Variants in MPV17L observed in about 807,000 individuals in gnomAD.
The protein encoded by MPV17L is MPV17 mitochondrial inner membrane protein like, also known as mpv17-like protein.
Under a neutral mutation model 25.8 loss-of-function variants are expected in MPV17L, and 24 were observed. The observed-to-expected ratio is 0.93, with a 90% CI of 0.67 to 1.31. MPV17L has a LOEUF of 1.31. MPV17L is among the 50% of genes most tolerant of loss of function. MPV17L has a pLI of 0.00. For synonymous variants in MPV17L, 102 were observed against 115.3 expected (o/e 0.88, Z 0.74); for missense variants, 250 against 265.6 (o/e 0.94, Z 0.41).
chr16:15,409,989 G>T lies in MPV17L; in HGVS notation c.*1877G>T, dbSNP rs1162729827. 1 of 152,098 alleles carries T rather than the reference G, an allele frequency of 6.6e-6. No individual in the cohort carries two copies. Among genetic ancestry groups the T allele is most frequent in the Non-Finnish European group, 1.5e-5 (1 of 68,028 alleles). The allele number at this position is 152,098 out of a possible 1,614,324, so 9.4% of individuals were successfully genotyped here. ...CCCAGATACATGAAATAAAATACTTGGTTTCTTTTCCAATTTCACACTGAT... is the reference window on the plus strand; with the variant it reads ...CCCAGATACATGAAATAAAATACTTTGTTTCTTTTCCAATTTCACACTGAT... On this transcript the variant is annotated 3_prime_UTR_variant, in exon 4 of 4. Coordinates refer to ENST00000396385, the MANE Select transcript of MPV17L (RefSeq NM_001128423.2).
At chr16:15,404,584 G>A (rs1197248492) in intron 2 of MPV17L, among the ~76,000 whole-genome samples, 2 of 152,146 alleles carry the variant, frequency 1.3e-5, no homozygotes, top group African/African-American at 4.8e-5. Flanking sequence ...ACTTTGGGAG[G>A]CCAAGGCGAG....
chr16:15,411,513 G>T lies in MPV17L; in HGVS notation c.*3401G>T, dbSNP rs10221053. ...CTACAAAAATTAGCCAAGCATGGTGGTGTGAGCCTGTAGTCCCAGCTACTT... is the reference window on the plus strand; with the variant it reads ...CTACAAAAATTAGCCAAGCATGGTGTTGTGAGCCTGTAGTCCCAGCTACTT... On this transcript the variant is annotated 3_prime_UTR_variant, in exon 4 of 4. Transcript: ENST00000396385. 7,351 of 152,170 alleles carry T rather than the reference G, an allele frequency of 0.048. 323 individuals carry two copies. The highest frequency in any genetic ancestry group is 0.12 in the African/African-American group (4,800 of 41,482). The allele number at this position is 152,170 out of a possible 1,614,324, so 9.4% of individuals were successfully genotyped here.
At position 15,396,014 on chromosome 16, in the gene MPV17L, G is replaced by A; in HGVS notation, c.117G>A (p.Gln39=). Residue 39 remains glutamine, a synonymous_variant, in exon 1 of 4, where the codon CAG becomes CAA. Transcript: ENST00000396385. ...SAGDALQQRL[Q]GREANWRQTR... is the part of the protein sequence containing the mutation. ...GGGACGCGCTGCAACAGCGGCTGCA[G>A]GGCCGCGAGGCCAACTGGCGCCAGA... is the stretch of plus-strand genomic sequence containing the variant. The A allele has an allele frequency of 6.6e-7, 1 of 1,526,542 alleles. No homozygotes were observed. The highest frequency in any genetic ancestry group is 8.8e-7 in the Non-Finnish European group (1 of 1,142,566). The allele number at this position is 1,526,542 out of a possible 1,614,324, so 94.6% of individuals were successfully genotyped here.
chr16:15,407,465 AG>A (rs1179380179), intron 2 of MPV17L, among the ~76,000 whole-genome samples: 1 of 151,856 alleles, frequency 6.6e-6, no homozygotes, highest in Non-Finnish European at 1.5e-5. Context: ...ATTCTAGGTC[AG>A]GTATAGTGGC....
At chr16:15,405,939 A>T (rs906083299) in intron 2 of MPV17L, among the ~76,000 whole-genome samples, 1 of 151,968 alleles carries the variant, frequency 6.6e-6, no homozygotes, top group Non-Finnish European at 1.5e-5. Context: ...CTGTAATCCC[A>T]GCACGTTGGG....
At chr16:15,400,054 C>T (rs2150904944) in intron 1 of MPV17L, among the ~76,000 whole-genome samples, 1 of 152,284 alleles carries the variant, frequency 6.6e-6, no homozygotes, top group South Asian at 2.1e-4. Context: ...TCTGCCAGAT[C>T]AGCCTCCCAA....
chr16:15,400,947 T>G, intron 2 of MPV17L, 90 bp downstream of exon 2: 1 of 839,896 alleles, frequency 1.2e-6, no homozygotes, highest in South Asian at 4.3e-5. Flanking sequence ...GTGTTTATAT[T>G]TATAAAGATT....
In MPV17L at chr16:15,407,920, C is replaced by T. The variant is rs374094269; in HGVS notation, c.412-13C>T. Reference sequence around the variant, plus strand: ...TTTCCATGTGGCCCTAACGGACTCTCTCTCTGTTCCAGCTGACCAACTTCA... The same window carrying T: ...TTTCCATGTGGCCCTAACGGACTCTTTCTCTGTTCCAGCTGACCAACTTCA... On this transcript the variant is annotated splice_polypyrimidine_tract_variant and intron_variant, in intron 3 of 3. Coordinates refer to ENST00000396385, the MANE Select transcript of MPV17L (RefSeq NM_001128423.2). 3.1e-6 allele frequency: 5 copies of T among 1,613,538 alleles called. No individual in the cohort carries two copies. The highest frequency in any genetic ancestry group is 2.5e-6 in the Non-Finnish European group (3 of 1,180,020).
chr16:15,396,207 G>C lies in MPV17L; in HGVS notation c.310G>C (p.Gly104Arg). ...CATCGCGGTCTCGGCCTTCTATGTC[G>C]GTGAGGGGCCGGGAGGGGACCTGGG... ...APIAVSAFYVGMSILQGKDDI... is the reference protein window; with the variant it reads ...APIAVSAFYVRMSILQGKDDI... The change falls in exon 1 of 4, where the codon GGT (glycine) becomes CGT (arginine). Residue 104 changes from glycine to arginine, a missense_variant and splice_region_variant. Coordinates refer to ENST00000396385, the MANE Select transcript of MPV17L (RefSeq NM_001128423.2). The C allele has an allele frequency of 6.5e-7, 1 of 1,548,936 alleles. No homozygotes were observed. The highest frequency in any genetic ancestry group is 8.7e-7 in the Non-Finnish European group (1 of 1,147,034).
intron 1 of MPV17L, among the ~76,000 whole-genome samples, chr16:15,397,036 G>C (rs888901602): frequency 2.0e-5 from 3 of 152,078 alleles, no homozygotes; most frequent in African/African-American, 7.2e-5. Flanking sequence ...TTCCCTTAAC[G>C]AGTCACAAAG....
At chr16:15,398,774 A>G (rs1228380589) in intron 1 of MPV17L, among the ~76,000 whole-genome samples, 1 of 151,514 alleles carries the variant, frequency 6.6e-6, no homozygotes, top group African/African-American at 2.4e-5. Context: ...TTGTGTTTTT[A>G]GTAGAGACGG....
chr16:15,404,978 C>T (rs1376816554), intron 2 of MPV17L, among the ~76,000 whole-genome samples: 2 of 152,112 alleles, frequency 1.3e-5, no homozygotes, highest in Non-Finnish European at 2.9e-5. Context: ...GTCCCAGATT[C>T]GGCCAGTGGG....
chr16:15,408,116 G>C lies in MPV17L; in HGVS notation c.*4G>C. ...AGAAGGGTACCCGAAGAAATGAGAA[G>C]TCAAGGACTCTCTTAAAGGGACCAC... is the stretch of plus-strand genomic sequence containing the variant. On this transcript the variant is annotated 3_prime_UTR_variant, in exon 4 of 4. Coordinates refer to ENST00000396385, the MANE Select transcript of MPV17L (RefSeq NM_001128423.2). The C allele has an allele frequency of 6.3e-7, 1 of 1,582,482 alleles. No homozygotes were observed. Among genetic ancestry groups the C allele is most frequent in the Non-Finnish European group, 8.6e-7 (1 of 1,161,836 alleles).
chr16:15,397,992 A>G (rs2050601904), intron 1 of MPV17L, among the ~76,000 whole-genome samples: 1 of 152,232 alleles, frequency 6.6e-6, no homozygotes, highest in Non-Finnish European at 1.5e-5. Flanking sequence ...GTGAAGGGGT[A>G]GGGGACCAGA....
At chr16:15,396,764 C>A (rs1212104571) in intron 1 of MPV17L, among the ~76,000 whole-genome samples, 1 of 152,060 alleles carries the variant, frequency 6.6e-6, no homozygotes, top group Non-Finnish European at 1.5e-5. Flanking sequence ...TGAGGTTGGG[C>A]CTGGATCTTC....
chr16:15,397,072 T>C (rs1387453791), intron 1 of MPV17L, among the ~76,000 whole-genome samples: 1 of 151,976 alleles, frequency 6.6e-6, no homozygotes, highest in Admixed American at 6.6e-5. Context: ...CGGATTTTGA[T>C]CAATGGGAGT....
chr16:15,402,080 G>A (rs1395715388), intron 2 of MPV17L, among the ~76,000 whole-genome samples: 1 of 152,134 alleles, frequency 6.6e-6, no homozygotes, highest in Non-Finnish European at 1.5e-5. Flanking sequence ...CGGAGTCCTG[G>A]TGAAAAGAAC....
chr16:15,406,142 C>T lies in MPV17L; in HGVS notation c.382-1682C>T, dbSNP rs556709313. Among the ~76,000 whole-genome samples, 8 of 151,816 alleles carry T rather than the reference C, an allele frequency of 5.3e-5. 1 individual carries two copies. In the South Asian group the frequency reaches 1.7e-3, roughly 32 times the overall value. ...GGTGGAGGTTGCAGTGAGCCAAGAT[C>T]GCACCATTGCACTCCAGCCTGGGCA... On this transcript the variant is annotated intron_variant, in intron 2 of 3. Coordinates refer to ENST00000396385, the MANE Select transcript of MPV17L (RefSeq NM_001128423.2).
At chr16:15,401,984 A>G (rs1418958171) in intron 2 of MPV17L, among the ~76,000 whole-genome samples, 1 of 152,130 alleles carries the variant, frequency 6.6e-6, no homozygotes, top group African/African-American at 2.4e-5. Context: ...TTGGGATTCT[A>G]TTTGCAAAAT....
Sources: allele counts gnomAD v4.1 joint callset (sites outside exome capture counted in the v4.1 genomes callset), GRCh38; gene constraint gnomAD v4.1.1; transcripts MANE v1.5; gene names NCBI Gene and HGNC (gene_info 2026-07-23, HGNC 2026-07-21).